MDGA2: variants seen among roughly 807,000 people sequenced by gnomAD.
The protein encoded by MDGA2 is MAM domain-containing glycosylphosphatidylinositol anchor protein 2.
Under a neutral mutation model 117.8 loss-of-function variants are expected in MDGA2, and 40 were observed. The observed-to-expected ratio is 0.34, with a 90% CI of 0.26 to 0.44. The LOEUF (loss-of-function observed/expected upper bound fraction) is 0.44. Among genes scored for constraint, MDGA2 ranks in the 20% least tolerant of loss-of-function variants. MDGA2 has a pLI of 1.00. For missense variants in MDGA2, 1,123 were observed against 1,250.6 expected, an observed-to-expected ratio of 0.90 and a Z score of 1.54; for synonymous variants, 452 against 439.0, an observed-to-expected ratio of 1.03 and a Z score of -0.37.
intron 9 of MDGA2, among the ~76,000 whole-genome samples, chr14:46,953,142 T>C (rs992749867): frequency 1.3e-5 from 2 of 151,944 alleles, no homozygotes; most frequent in African/African-American, 2.4e-5. Context: ...TATTGTTCTC[T>C]TTCTGATGTT....
chr14:47,116,579 C>T (rs549106259), intron 5 of MDGA2, among the ~76,000 whole-genome samples: 2 of 151,940 alleles, frequency 1.3e-5, no homozygotes, highest in Non-Finnish European at 2.9e-5. Context: ...ACAAATGGAA[C>T]AGAATAGAGA....
intron 1 of MDGA2, among the ~76,000 whole-genome samples, chr14:47,339,830 A>T (rs1253244758): frequency 6.6e-6 from 1 of 152,150 alleles, no homozygotes; most frequent in East Asian, 1.9e-4. Context: ...AAAATTTTAT[A>T]ACAGAAAGCA....
chr14:47,175,691 T>C (rs1379104292), intron 3 of MDGA2, among the ~76,000 whole-genome samples: 1 of 150,190 alleles, frequency 6.7e-6, no homozygotes, highest in Non-Finnish European at 1.5e-5. Flanking sequence ...ACAGCCAATA[T>C]CATACTGAAT....
intron 1 of MDGA2, among the ~76,000 whole-genome samples, chr14:47,341,303 T>C (rs1890614629): frequency 6.6e-6 from 1 of 152,180 alleles, no homozygotes; most frequent in Non-Finnish European, 1.5e-5. Context: ...AATCCAAGGA[T>C]TCTGGGCTTC....
intron 1 of MDGA2, among the ~76,000 whole-genome samples, chr14:47,302,172 A>C (rs1889306611): frequency 6.6e-6 from 1 of 152,170 alleles, no homozygotes; most frequent in South Asian, 2.1e-4. Flanking sequence ...TTCAAAAGAA[A>C]CTTCATTAGC....
chr14:47,197,283 T>C (rs1566676069), intron 3 of MDGA2, among the ~76,000 whole-genome samples: 1 of 152,068 alleles, frequency 6.6e-6, no homozygotes, highest in Non-Finnish European at 1.5e-5. Flanking sequence ...GGTCAACAAT[T>C]AGGTAATGAG....
intron 9 of MDGA2, among the ~76,000 whole-genome samples, chr14:46,951,769 C>A (rs1419638603): frequency 6.6e-6 from 1 of 151,952 alleles, no homozygotes; most frequent in Non-Finnish European, 1.5e-5. Flanking sequence ...CTGACTGCAG[C>A]CTTGTGAGAC....
chr14:47,408,576 C>T (rs1464497734), intron 1 of MDGA2, among the ~76,000 whole-genome samples: 1 of 152,088 alleles, frequency 6.6e-6, no homozygotes, highest in Admixed American at 6.6e-5. Context: ...GGCCATCAGC[C>T]GGAAATCAGC....
intron 6 of MDGA2, among the ~76,000 whole-genome samples, chr14:47,064,668 AG>A (rs1639369721): frequency 6.6e-6 from 1 of 152,072 alleles, no homozygotes; most frequent in Non-Finnish European, 1.5e-5. Context: ...AGAAGGTGAT[AG>A]AGTTAGGCTC....
intron 2 of MDGA2, among the ~76,000 whole-genome samples, chr14:47,252,237 G>T (rs1473149161): frequency 2.0e-5 from 3 of 152,006 alleles, no homozygotes; most frequent in African/African-American, 7.2e-5. Context: ...AGATTCTCAT[G>T]AAGTACACAA....
intron 1 of MDGA2, among the ~76,000 whole-genome samples, chr14:47,437,274 T>C (rs1892918691): frequency 6.6e-6 from 1 of 152,120 alleles, no homozygotes; most frequent in African/African-American, 2.4e-5. Flanking sequence ...GCCTCAGATA[T>C]CTCAACTAGA....
intron 13 of MDGA2, 87 bp from the exon 14 acceptor site, chr14:46,873,678 T>C (rs534321443): frequency 4.8e-6 from 6 of 1,238,030 alleles, no homozygotes; most frequent in Non-Finnish European, 6.6e-6. Flanking sequence ...ATAGTTTTCA[T>C]ACAAAATAAA....
chr14:47,145,788 T>G (rs1322542487), intron 3 of MDGA2, among the ~76,000 whole-genome samples: 2 of 152,198 alleles, frequency 1.3e-5, no homozygotes, highest in Non-Finnish European at 2.9e-5. Flanking sequence ...TTGACATTAC[T>G]TTTAATGAAT....
intron 1 of MDGA2, among the ~76,000 whole-genome samples, chr14:47,499,091 A>C (rs778249181): frequency 2.2e-4 from 34 of 152,188 alleles, no homozygotes; most frequent in Non-Finnish European, 3.8e-4. Context: ...AGCTAATCTT[A>C]GTCCATATTT....
intron 1 of MDGA2, among the ~76,000 whole-genome samples, chr14:47,642,346 T>A (rs1275865884): frequency 6.6e-6 from 1 of 152,094 alleles, no homozygotes. Flanking sequence ...TACATAACTC[T>A]TTATGCTGAA....
At chr14:47,229,902 G>A (rs1470576110) in intron 2 of MDGA2, among the ~76,000 whole-genome samples, 1 of 151,864 alleles carries the variant, frequency 6.6e-6, no homozygotes, top group Non-Finnish European at 1.5e-5. Flanking sequence ...AGCTTCAAAA[G>A]GTTTCCCTGA....
At chr14:47,229,708 T>A (rs1886625249) in intron 2 of MDGA2, among the ~76,000 whole-genome samples, 1 of 149,082 alleles carries the variant, frequency 6.7e-6, no homozygotes, top group South Asian at 2.1e-4. Flanking sequence ...AACTATTCAT[T>A]AAAAAAAAAA....
At chr14:47,380,177 A>C (rs559711058) in intron 1 of MDGA2, among the ~76,000 whole-genome samples, 37 of 152,210 alleles carry the variant, frequency 2.4e-4, no homozygotes, top group Non-Finnish European at 4.6e-4. Flanking sequence ...ACCAATGAGA[A>C]CAAAGACACA....
At chr14:46,949,602 C>T (rs78730293) in intron 9 of MDGA2, among the ~76,000 whole-genome samples, 18,340 of 151,908 alleles carry the variant, frequency 0.12, 2,114 homozygotes, top group African/African-American at 0.28. Context: ...GATGAGAACA[C>T]TGAGTTTTGA....
Sources: allele counts gnomAD v4.1 joint callset (sites outside exome capture counted in the v4.1 genomes callset), GRCh38; gene constraint gnomAD v4.1.1; transcripts MANE v1.5; gene names NCBI Gene and HGNC (gene_info 2026-07-23, HGNC 2026-07-21).